Variants in MYH11 observed in about 807,000 individuals in gnomAD.
MYH11 encodes myosin heavy chain 11, also known as myosin-11.
MYH11 carries 80 observed loss-of-function variants against 246.6 expected under a neutral mutation model. The ratio of observed to expected loss-of-function variants is 0.32; its 90% CI spans 0.27 to 0.39. MYH11 has a LOEUF of 0.39. Ranked by LOEUF, MYH11 falls within the 10% of genes least tolerant of loss-of-function variation. MYH11 has a pLI of 1.00. For synonymous variants in MYH11, 1,071 were observed against 1,015.5 expected, an observed-to-expected ratio of 1.05 and a Z score of -1.04; for missense variants, 2,158 against 2,546.8, an observed-to-expected ratio of 0.85 and a Z score of 3.29.
intron 2 of MYH11, among the ~76,000 whole-genome samples, chr16:15,825,282 C>G (rs999649254): frequency 1.3e-5 from 2 of 151,300 alleles, no homozygotes; most frequent in Non-Finnish European, 2.9e-5. Context: ...AGTGTAGTGG[C>G]TCATGCCTGT....
At chr16:15,779,423 T>C (rs1015806020) in intron 6 of MYH11, 1 of 176,828 alleles carries the variant, frequency 5.7e-6, no homozygotes, top group African/African-American at 2.4e-5. Context: ...ATTACAGGAG[T>C]AAACTACCAC....
rs138427590 is a variant in MYH11 at position 15,839,970 on chromosome 16, G to C, written c.-17-1701C>G. On this transcript the variant is annotated intron_variant, in intron 1 of 40. Coordinates refer to ENST00000300036, the MANE Select transcript of MYH11 (RefSeq NM_002474.3). ...AAAAGCTGAGGCAGGAGAATCACTTGAACCTGGGAGGCAGAGGCTGCAGTG... is the reference window on the plus strand; with the variant it reads ...AAAAGCTGAGGCAGGAGAATCACTTCAACCTGGGAGGCAGAGGCTGCAGTG... Among the ~76,000 whole-genome samples, 1,110 of 152,258 alleles carry C rather than the reference G, an allele frequency of 7.3e-3. 14 individuals are homozygous for C. Among genetic ancestry groups the C allele is most frequent in the African/African-American group, 0.025 (1,029 of 41,540 alleles).
chr16:15,723,384 T>C (rs1330607225), intron 31 of MYH11, among the ~76,000 whole-genome samples: 2 of 152,154 alleles, frequency 1.3e-5, no homozygotes, highest in South Asian at 4.1e-4. Flanking sequence ...TAGTGGCTCA[T>C]ACCTATAATC....
In MYH11 at chr16:15,741,362, T is replaced by C; in HGVS notation, c.2859+101A>G. The C allele has an allele frequency of 5.3e-6, 7 of 1,310,860 alleles. No individual in the cohort carries two copies. The South Asian group carries it at 8.2e-5, about 15-fold the overall frequency. The allele number at this position is 1,310,860 out of a possible 1,614,324, so 81.2% of individuals were successfully genotyped here. ...CTCTCCAAGCCCCCGTCTCATCATC[T>C]GTCCCAGCAGGGACACATATCCCTG... On this transcript the variant is annotated intron_variant, in intron 22 of 40. Transcript: ENST00000300036.
intron 11 of MYH11, among the ~76,000 whole-genome samples, chr16:15,760,080 G>A (rs928556397): frequency 1.3e-5 from 2 of 151,704 alleles, no homozygotes; most frequent in African/African-American, 4.8e-5. Flanking sequence ...CTGGGCAACA[G>A]AGCAAGGCTC....
chr16:15,747,480 G>A, intron 19 of MYH11, 90 bp downstream of exon 19: 3 of 1,473,688 alleles, frequency 2.0e-6, no homozygotes, highest in Non-Finnish European at 2.8e-6. Context: ...ATCTTAAACA[G>A]GTGGCCTCTT....
At chr16:15,802,865 A>T (rs957343898) in intron 3 of MYH11, among the ~76,000 whole-genome samples, 2 of 151,952 alleles carry the variant, frequency 1.3e-5, no homozygotes, top group Admixed American at 6.6e-5. Context: ...TATAAGAGAA[A>T]GGAGGCCGGG....
chr16:15,711,786 A>T (rs186005664), intron 40 of MYH11, among the ~76,000 whole-genome samples: 345 of 152,174 alleles, frequency 2.3e-3, no homozygotes, highest in African/African-American at 7.9e-3. Context: ...TGTGTCTCCC[A>T]GGTTCAAGCG....
chr16:15,707,899 G>C (rs1278103672), intron 40 of MYH11, among the ~76,000 whole-genome samples: 2 of 149,922 alleles, frequency 1.3e-5, no homozygotes, highest in South Asian at 2.1e-4. Context: ...TTGAACCCAG[G>C]AGGCAAAGGT....
intron 25 of MYH11, among the ~76,000 whole-genome samples, chr16:15,736,755 C>T (rs769334519): frequency 2.0e-5 from 3 of 152,180 alleles, no homozygotes; most frequent in Non-Finnish European, 2.9e-5. Context: ...GCTCCTGTTG[C>T]GTTACCCCTA....
intron 3 of MYH11, among the ~76,000 whole-genome samples, chr16:15,812,401 G>A (rs372929517): frequency 1.3e-5 from 2 of 151,720 alleles, no homozygotes; most frequent in South Asian, 2.1e-4. Context: ...TAAGCACCAC[G>A]AAGATAAACA....
chr16:15,740,727 G>A (rs888593616), intron 22 of MYH11, among the ~76,000 whole-genome samples: 2 of 152,112 alleles, frequency 1.3e-5, no homozygotes, highest in Non-Finnish European at 2.9e-5. Context: ...CTATCCACAA[G>A]TTCTTTGCGA....
In MYH11 at chr16:15,776,069, G is replaced by T. The variant is rs1323678455; in HGVS notation, c.889+9C>A. The T allele has an allele frequency of 3.1e-6, 5 of 1,590,454 alleles. No homozygotes were observed. Among genetic ancestry groups the T allele is most frequent in the Non-Finnish European group, 4.3e-6 (5 of 1,158,498 alleles). ...GCCATCCAATCACATGTCATTGCTA[G>T]TCACTTACTTCTCATCTTCTCCTTG... On this transcript the variant is annotated intron_variant, in intron 8 of 40. Transcript: ENST00000300036.
At chr16:15,766,512 C>G (rs1792654609) in intron 9 of MYH11, among the ~76,000 whole-genome samples, 1 of 152,040 alleles carries the variant, frequency 6.6e-6, no homozygotes, top group Admixed American at 6.6e-5. Context: ...GCTGGGATTA[C>G]AGGCGTGTGC....
intron 40 of MYH11, 40 bp from the exon 41 acceptor site, chr16:15,704,163 C>T: frequency 6.2e-7 from 1 of 1,611,934 alleles, no homozygotes; most frequent in Non-Finnish European, 8.5e-7. Context: ...GCAAAGAAAT[C>T]TTCATGGTTG....
At position 15,756,347 on chromosome 16, in the gene MYH11, A is replaced by G. The variant is rs2272554; in HGVS notation, c.1743T>C (p.Ala581=). 0.43 allele frequency: 701,836 copies of G among 1,613,510 alleles called. 157,746 individuals are homozygous for G. Among genetic ancestry groups the G allele is most frequent in the African/African-American group, 0.69 (51,506 of 74,910 alleles). Residue 581 remains alanine, a synonymous_variant, in exon 14 of 41, where the codon GCT becomes GCC. Transcript: ENST00000300036. ...TGGGCCCTGTGGCTGGTACCTTCCC[A>G]GCATAATGGATGATGGAGAACTCAG... is the stretch of plus-strand genomic sequence containing the variant. ...DKTEFSIIHY[A]GKVDYNASAW...
chr16:15,782,965 C>G (rs937607261), intron 5 of MYH11: 1 of 166,068 alleles, frequency 6.0e-6, no homozygotes, highest in African/African-American at 2.4e-5. Context: ...TTTTCTTTCT[C>G]AGGACTGGTT....
rs773612208 is a variant in MYH11 at position 15,745,179 on chromosome 16, C to A, written c.2470G>T (p.Ala824Ser). ...CAGTTCCGCAGCTTGAGGTAGGCGG[C>A]GCAGTTCCTCTGAATCACCTTCATG... ...TAMKVIQRNC[A>S]AYLKLRNWQW... Residue 824 changes from alanine to serine, a missense_variant, in exon 20 of 41, where the codon GCC becomes TCC. Coordinates refer to ENST00000300036, the MANE Select transcript of MYH11 (RefSeq NM_002474.3). 6.2e-7 allele frequency: 1 copy of A among 1,613,980 alleles called. No homozygotes were observed. The highest frequency in any genetic ancestry group is 8.5e-7 in the Non-Finnish European group (1 of 1,180,032).
intron 1 of MYH11, among the ~76,000 whole-genome samples, chr16:15,840,470 A>T (rs1373218137): frequency 6.6e-6 from 1 of 152,122 alleles, no homozygotes; most frequent in Non-Finnish European, 1.5e-5. Context: ...AGTGGCTCAC[A>T]CCTGTAATCC....
Sources: allele counts gnomAD v4.1 joint callset (sites outside exome capture counted in the v4.1 genomes callset), GRCh38; gene constraint gnomAD v4.1.1; transcripts MANE v1.5; gene names NCBI Gene and HGNC (gene_info 2026-07-23, HGNC 2026-07-21).